The following USH2A variants were observed in gnomAD, a reference collection of about 807,000 sequenced individuals.
The protein encoded by USH2A is usherin, also known as Usher syndrome 2A (autosomal recessive, mild).
In USH2A, 443 loss-of-function variants were observed where a neutral mutation model predicts 538.9. That is an observed-to-expected ratio of 0.82 (90% CI 0.76 to 0.89). The LOEUF (loss-of-function observed/expected upper bound fraction) is 0.89. USH2A is among the 40% of genes least tolerant of loss of function. The probability of loss-of-function intolerance (pLI) is 0.00; values close to 1 mark genes in which losing one functional copy is unlikely to be tolerated. For synonymous variants in USH2A, 2,413 were observed against 2,273.5 expected (o/e 1.06, Z -1.75); for missense variants, 6,633 against 6,324.8 (o/e 1.05, Z -1.65).
chr1:216,387,033 A>C (rs1332826763), intron 3 of USH2A, among the ~76,000 whole-genome samples: 1 of 152,202 alleles, frequency 6.6e-6, no homozygotes, highest in East Asian at 1.9e-4. Context: ...AGATAGGAGG[A>C]ATTACTTCAA....
intron 4 of USH2A, among the ~76,000 whole-genome samples, chr1:216,351,054 C>A (rs74141561): frequency 6.6e-6 from 1 of 151,982 alleles, no homozygotes; most frequent in Admixed American, 6.6e-5. Flanking sequence ...AGCTGCCCAT[C>A]GATTCATTTA....
intron 43 of USH2A, among the ~76,000 whole-genome samples, chr1:215,870,458 C>CTTTTTTT (rs10689595): frequency 8.1e-6 from 1 of 123,138 alleles, no homozygotes; most frequent in African/African-American, 3.1e-5. Context: ...CCACTCCTAG[C>CTTTTTTT]TTTTTTTTTT....
chr1:216,204,774 T>A (rs1197392199), intron 16 of USH2A, among the ~76,000 whole-genome samples: 1 of 152,186 alleles, frequency 6.6e-6, no homozygotes, highest in Non-Finnish European at 1.5e-5. Flanking sequence ...GAGGCTATTG[T>A]TAGAATGATA....
At chr1:216,213,336 C>A (rs1306990393) in intron 15 of USH2A, among the ~76,000 whole-genome samples, 5 of 151,928 alleles carry the variant, frequency 3.3e-5, no homozygotes, top group Non-Finnish European at 7.4e-5. Context: ...CTTACTTTTT[C>A]TTGATTACCT....
chr1:215,775,293 T>G (rs1229532660), intron 55 of USH2A, among the ~76,000 whole-genome samples: 1 of 152,164 alleles, frequency 6.6e-6, no homozygotes, highest in African/African-American at 2.4e-5. Flanking sequence ...TTTTAATGAT[T>G]TCTGAACAAG....
intron 3 of USH2A, among the ~76,000 whole-genome samples, chr1:216,412,878 T>C (rs2039512988): frequency 6.6e-6 from 1 of 152,014 alleles, no homozygotes. Flanking sequence ...ATCTCTGTCA[T>C]GGAGATAATA....
intron 32 of USH2A, among the ~76,000 whole-genome samples, chr1:216,019,445 G>A (rs544095602): frequency 6.6e-6 from 1 of 152,230 alleles, no homozygotes; most frequent in South Asian, 2.1e-4. Context: ...ATAAAAATGG[G>A]GGGAGAAGTT....
intron 41 of USH2A, among the ~76,000 whole-genome samples, chr1:215,879,378 G>C (rs1041377096): frequency 2.6e-5 from 4 of 152,042 alleles, no homozygotes; most frequent in African/African-American, 9.7e-5. Context: ...CGCCACTGTG[G>C]GTGTTCTGAA....
intron 35 of USH2A, among the ~76,000 whole-genome samples, chr1:215,992,741 G>A (rs1471837016): frequency 6.6e-6 from 1 of 151,984 alleles, no homozygotes; most frequent in East Asian, 1.9e-4. Flanking sequence ...CATTCTTTGG[G>A]AATCCTCCCC....
chr1:215,758,626 A>C lies in USH2A; in HGVS notation c.11358T>G (p.Pro3786=), dbSNP rs1162472583. 6.2e-7 allele frequency: 1 copy of C among 1,613,526 alleles called. No individual in the cohort carries two copies. Among genetic ancestry groups the C allele is most frequent in the African/African-American group, 1.3e-5 (1 of 74,876 alleles). Residue 3786 remains proline, a synonymous_variant, in exon 58 of 72, where the codon CCT becomes CCG. Transcript: ENST00000307340. ...YPPYNITVIG[P]YSIFVAWIPP... ...GTATCCAAGCTACAAATATAGAATA[A>C]GGCCCAATTACTGTGATATTATATG... is the stretch of plus-strand genomic sequence containing the variant.
At chr1:215,650,971 G>T (rs1348731520) in intron 64 of USH2A, among the ~76,000 whole-genome samples, 170 bp from the exon 65 acceptor site, 1 of 152,016 alleles carries the variant, frequency 6.6e-6, no homozygotes, top group Non-Finnish European at 1.5e-5. Flanking sequence ...AGAGCAAGGA[G>T]AGCAGGCTGT....
chr1:215,992,880 G>C (rs1668034706), intron 35 of USH2A, 140 bp downstream of exon 35: 1 of 1,394,648 alleles, frequency 7.2e-7, no homozygotes, highest in Non-Finnish European at 9.9e-7. Context: ...TCCCCAACTA[G>C]AGACAATGAT....
At chr1:216,021,887 G>A (rs971429970) in intron 32 of USH2A, among the ~76,000 whole-genome samples, 14 of 152,128 alleles carry the variant, frequency 9.2e-5, no homozygotes, top group Non-Finnish European at 1.9e-4. Flanking sequence ...CCCCAACATT[G>A]AGGCTGAGCC....
chr1:216,189,620 T>C (rs1342704783), intron 20 of USH2A, among the ~76,000 whole-genome samples: 3 of 152,032 alleles, frequency 2.0e-5, no homozygotes, highest in Non-Finnish European at 2.9e-5. Context: ...ATAACAATTC[T>C]TTTATTTAAA....
At chr1:216,300,609 T>C (rs1443383803) in intron 9 of USH2A, among the ~76,000 whole-genome samples, 2 of 152,184 alleles carry the variant, frequency 1.3e-5, no homozygotes. Flanking sequence ...CAATGACAGT[T>C]ATTTCTTATG....
intron 4 of USH2A, among the ~76,000 whole-genome samples, chr1:216,363,178 A>G (rs970327246): frequency 6.6e-6 from 1 of 152,060 alleles, no homozygotes; most frequent in Non-Finnish European, 1.5e-5. Context: ...CCCATGCCCA[A>G]GAAAGAGAAA....
rs142752242 is a variant in USH2A at position 216,246,316 on chromosome 1, A to T, written c.2809+269T>A. On this transcript the variant is annotated intron_variant, in intron 13 of 71. Coordinates refer to ENST00000307340, the MANE Select transcript of USH2A (RefSeq NM_206933.4). ...TAAAAAACTGTTAAAAAGGAGATTTACTTCAAGTGTAGAAATTGAGTCTCA... is the reference window on the plus strand; with the variant it reads ...TAAAAAACTGTTAAAAAGGAGATTTTCTTCAAGTGTAGAAATTGAGTCTCA... Among the ~76,000 whole-genome samples, 6 of 152,316 alleles carry T rather than the reference A, an allele frequency of 3.9e-5. No homozygotes were observed. The East Asian group carries it at 1.2e-3, about 29-fold the overall frequency.
intron 68 of USH2A, 52 bp downstream of exon 68, chr1:215,640,506 A>G (rs913202642): frequency 6.2e-7 from 1 of 1,610,380 alleles, no homozygotes. Flanking sequence ...CATCCCGTAA[A>G]GCTGGGGAAC....
In USH2A at chr1:215,888,476, C is replaced by T. The variant is rs1490197090; in HGVS notation, c.8173G>A (p.Ala2725Thr). 6.2e-7 allele frequency: 1 copy of T among 1,613,982 alleles called. No individual in the cohort carries two copies. The highest frequency in any genetic ancestry group is 1.3e-5 in the African/African-American group (1 of 75,068). The change falls in exon 41 of 72, where the codon GCT becomes ACT. Residue 2725 changes from alanine (A) to threonine (T), a missense_variant. Coordinates refer to ENST00000307340, the MANE Select transcript of USH2A (RefSeq NM_206933.4). ...GTCACCACAGGTGGCTGCACCCCAG[C>T]AGGTCGTGAGGGTCTTGTGGTAACT... is the stretch of plus-strand genomic sequence containing the variant. Reference protein sequence around the residue: ...VEVTTRPSRPAGVQPPVVTVL... With the variant: ...VEVTTRPSRPTGVQPPVVTVL...
Sources: gnomAD v4.1 joint callset for allele counts (sites outside exome capture counted in the v4.1 genomes callset) on GRCh38, gnomAD v4.1.1 for gene constraint, MANE v1.5 for transcripts, NCBI Gene and HGNC (gene_info 2026-07-23, HGNC 2026-07-21) for gene names.